The following NELL1 variants were observed in gnomAD, a reference collection of about 807,000 sequenced individuals.
The protein encoded by NELL1 is protein kinase C-binding protein NELL1.
NELL1 carries 76 observed loss-of-function variants against 107.4 expected under a neutral mutation model. The ratio of observed to expected loss-of-function variants is 0.71; its 90% CI spans 0.59 to 0.86. The LOEUF (loss-of-function observed/expected upper bound fraction) is 0.86, where lower values mean the gene tolerates loss of function less well. Ranked by LOEUF, NELL1 falls within the 40% of genes least tolerant of loss-of-function variation. The probability of loss-of-function intolerance (pLI) is 0.00; values close to 1 mark genes in which losing one functional copy is unlikely to be tolerated. For missense variants in NELL1, 1,024 were observed against 1,005.5 expected (o/e 1.02, Z -0.25); for synonymous variants, 353 against 341.2 (o/e 1.03, Z -0.38).
At chr11:21,155,455 A>T (rs1174435051) in intron 13 of NELL1, among the ~76,000 whole-genome samples, 1 of 152,190 alleles carries the variant, frequency 6.6e-6, no homozygotes. Context: ...AACTCTAGGT[A>T]AATCAGTGTT....
At chr11:21,551,523 A>G (rs1180216968) in intron 16 of NELL1, among the ~76,000 whole-genome samples, 2 of 151,736 alleles carry the variant, frequency 1.3e-5, no homozygotes, top group African/African-American at 4.8e-5. Flanking sequence ...GCAGCCAAAA[A>G]ACACATGAAA....
intron 4 of NELL1, among the ~76,000 whole-genome samples, chr11:20,882,755 T>C (rs1299136906): frequency 6.6e-6 from 1 of 152,218 alleles, no homozygotes; most frequent in Non-Finnish European, 1.5e-5. Flanking sequence ...TTCCCAATTT[T>C]CCCAATAATG....
chr11:21,421,265 C>T (rs1590919873), intron 15 of NELL1, among the ~76,000 whole-genome samples: 1 of 152,138 alleles, frequency 6.6e-6, no homozygotes, highest in African/African-American at 2.4e-5. Flanking sequence ...ATCTTTCTGA[C>T]GTAACTATTT....
At chr11:21,126,200 G>A (rs937010588) in intron 13 of NELL1, among the ~76,000 whole-genome samples, 1 of 152,112 alleles carries the variant, frequency 6.6e-6, no homozygotes, top group Non-Finnish European at 1.5e-5. Flanking sequence ...GTTAACTCCA[G>A]AAGCTCAAAT....
intron 14 of NELL1, among the ~76,000 whole-genome samples, chr11:21,316,649 ATC>A (rs2133657390): frequency 6.6e-6 from 1 of 152,306 alleles, no homozygotes; most frequent in South Asian, 2.1e-4. Flanking sequence ...ACTCAACAGT[ATC>A]CCAGATTACT....
intron 2 of NELL1, among the ~76,000 whole-genome samples, chr11:20,763,792 T>C (rs1186038573): frequency 2.0e-5 from 3 of 152,268 alleles, no homozygotes; most frequent in African/African-American, 7.2e-5. Context: ...CTGGCGAGCC[T>C]AGAGGGGCTG....
intron 12 of NELL1, among the ~76,000 whole-genome samples, chr11:21,101,740 C>T (rs1052027587): frequency 5.3e-5 from 8 of 152,172 alleles, no homozygotes; most frequent in South Asian, 4.2e-4. Context: ...TGGATATTAG[C>T]CCTTTGTCAG....
chr11:21,504,887 C>G (rs1855241374), intron 15 of NELL1, among the ~76,000 whole-genome samples: 1 of 152,112 alleles, frequency 6.6e-6, no homozygotes, highest in Non-Finnish European at 1.5e-5. Flanking sequence ...GTATCTCTTC[C>G]TGTGATTATG....
intron 2 of NELL1, among the ~76,000 whole-genome samples, chr11:20,678,945 T>C (rs1854128887): frequency 1.3e-5 from 2 of 152,054 alleles, no homozygotes; most frequent in Non-Finnish European, 2.9e-5. Flanking sequence ...AAAAGCCTGG[T>C]ATAGGAAGGG....
At chr11:21,168,784 T>A (rs532173832) in intron 13 of NELL1, among the ~76,000 whole-genome samples, 1 of 152,026 alleles carries the variant, frequency 6.6e-6, no homozygotes, top group African/African-American at 2.4e-5. Context: ...CATCAACTTG[T>A]AAAATTATGC....
chr11:21,485,907 T>C (rs1246349225), intron 15 of NELL1, among the ~76,000 whole-genome samples: 1 of 151,952 alleles, frequency 6.6e-6, no homozygotes, highest in Non-Finnish European at 1.5e-5. Context: ...GGGTTTGAGG[T>C]TATGCCAACC....
chr11:21,417,318 A>ATTTC (rs1228854759), intron 15 of NELL1, among the ~76,000 whole-genome samples: 3 of 151,906 alleles, frequency 2.0e-5, no homozygotes, highest in African/African-American at 7.3e-5. Flanking sequence ...GAGGTGCTGC[A>ATTTC]TTTCTTACCT....
chr11:20,682,009 C>A (rs1308511375), intron 2 of NELL1, among the ~76,000 whole-genome samples: 2 of 152,102 alleles, frequency 1.3e-5, no homozygotes, highest in Admixed American at 6.6e-5. Context: ...GTATTCTCAT[C>A]TCAAGATTCA....
intron 14 of NELL1, among the ~76,000 whole-genome samples, chr11:21,350,961 T>C (rs1363520550): frequency 6.6e-6 from 1 of 152,056 alleles, no homozygotes; most frequent in African/African-American, 2.4e-5. Flanking sequence ...TGTAGTTAAG[T>C]TAAAGATCTT....
chr11:21,369,374 T>A (rs934362595), intron 14 of NELL1, among the ~76,000 whole-genome samples: 1 of 150,464 alleles, frequency 6.6e-6, no homozygotes, highest in African/African-American at 2.4e-5. Flanking sequence ...TTTTTTTTTT[T>A]TTTTTTTTGC....
At chr11:21,122,115 C>A (rs1344752685) in intron 13 of NELL1, among the ~76,000 whole-genome samples, 3 of 152,142 alleles carry the variant, frequency 2.0e-5, no homozygotes, top group African/African-American at 4.8e-5. Flanking sequence ...GGACCTGAAC[C>A]ACTTTGGCTG....
At position 21,525,639 on chromosome 11, in the gene NELL1, G is replaced by T. The variant is rs1016466097; in HGVS notation, c.1646-8735G>T. 1.1e-4 allele frequency among the ~76,000 whole-genome samples: 16 copies of T among 152,248 alleles called. No individual in the cohort carries two copies. The East Asian group carries it at 2.7e-3, about 26-fold the overall frequency. ...GACATATCTGAGACTGGGTAATTTA[G>T]AAAGGAAAGAGGTTTAATTGACTCA... On this transcript the variant is annotated intron_variant, in intron 15 of 19. Coordinates refer to ENST00000357134, the MANE Select transcript of NELL1 (RefSeq NM_006157.5).
At chr11:20,752,858 A>C (rs1856173274) in intron 2 of NELL1, among the ~76,000 whole-genome samples, 1 of 152,230 alleles carries the variant, frequency 6.6e-6, no homozygotes, top group South Asian at 2.1e-4. Context: ...CCCACGTATC[A>C]GAAATTACCA....
intron 12 of NELL1, among the ~76,000 whole-genome samples, chr11:21,044,170 GC>G (rs1397363933): frequency 6.6e-6 from 1 of 152,126 alleles, no homozygotes; most frequent in African/African-American, 2.4e-5. Context: ...GATACATTGT[GC>G]CCAGGGTGAT....
Sources: gnomAD v4.1 joint callset for allele counts (sites outside exome capture counted in the v4.1 genomes callset) on GRCh38, gnomAD v4.1.1 for gene constraint, MANE v1.5 for transcripts, NCBI Gene and HGNC (gene_info 2026-07-23, HGNC 2026-07-21) for gene names.